Variants in MBD5 observed in about 807,000 individuals in gnomAD.
The protein encoded by MBD5 is methyl-CpG binding domain protein 5.
MBD5 carries 13 observed loss-of-function variants against 117.3 expected under a neutral mutation model. The observed-to-expected ratio is 0.11, with a 90% CI of 0.07 to 0.18. The LOEUF is 0.18. MBD5 is among the 10% of genes least tolerant of loss of function. The pLI, the probability that MBD5 is intolerant of heterozygous loss-of-function variation, is 1.00. For missense variants in MBD5, 1,879 were observed against 2,093.8 expected (o/e 0.90, Z 2.00); for synonymous variants, 727 against 766.4 (o/e 0.95, Z 0.85).
At chr2:148,162,323 C>T (rs558094778) in intron 1 of MBD5, among the ~76,000 whole-genome samples, 2 of 152,182 alleles carry the variant, frequency 1.3e-5, no homozygotes, top group Non-Finnish European at 2.9e-5. Context: ...GAGACCCTCC[C>T]AAATAACTTA....
intron 4 of MBD5, among the ~76,000 whole-genome samples, chr2:148,450,343 C>T (rs1219390840): frequency 6.6e-6 from 1 of 152,132 alleles, no homozygotes; most frequent in Non-Finnish European, 1.5e-5. Flanking sequence ...TATGTAGCCT[C>T]TAAATACTAT....
chr2:148,050,135 AAGT>A (rs1694653958), intron 1 of MBD5, among the ~76,000 whole-genome samples: 1 of 152,138 alleles, frequency 6.6e-6, no homozygotes, highest in African/African-American at 2.4e-5. Flanking sequence ...CTGTTTTTCA[AAGT>A]AGCTGCACCA....
chr2:148,458,635 C>T lies in MBD5; in HGVS notation c.-124C>T, dbSNP rs1706958624. 16 of 785,024 alleles carry T rather than the reference C, an allele frequency of 2.0e-5. 1 individual carries two copies. Among genetic ancestry groups the T allele is most frequent in the South Asian group, 2.0e-4 (14 of 69,118 alleles). 48.6% of individuals were successfully genotyped at this position (785,024 alleles called of 1,614,324 possible). ...CAAACTGAGCTGAAGCTTCCCAATG[C>T]GTTTTGTACAGTCTGGGAAAAACTG... is the stretch of plus-strand genomic sequence containing the variant. On this transcript the variant is annotated 5_prime_UTR_variant, in exon 5 of 14. Coordinates refer to ENST00000642680, the MANE Select transcript of MBD5 (RefSeq NM_001378120.1).
intron 3 of MBD5, among the ~76,000 whole-genome samples, chr2:148,237,221 T>C (rs1700109548): frequency 6.6e-6 from 1 of 152,252 alleles, no homozygotes; most frequent in South Asian, 2.1e-4. Context: ...TTCACCATAG[T>C]AGCACTTTTA....
intron 2 of MBD5, among the ~76,000 whole-genome samples, chr2:148,183,324 G>T (rs893063650): frequency 1.3e-5 from 2 of 151,946 alleles, no homozygotes; most frequent in African/African-American, 4.8e-5. Context: ...GAAGAAAAAT[G>T]AAGGGTATTT....
At chr2:148,264,353 A>C (rs959140982) in intron 3 of MBD5, 1 of 152,548 alleles carries the variant, frequency 6.6e-6, no homozygotes, top group East Asian at 1.9e-4. Context: ...AATAATTTAC[A>C]GATGAAGAAA....
chr2:148,369,574 G>A (rs994688535), intron 4 of MBD5, among the ~76,000 whole-genome samples: 6 of 152,052 alleles, frequency 3.9e-5, no homozygotes, highest in African/African-American at 1.4e-4. Flanking sequence ...TGAGGAATCT[G>A]GATAAAGAGT....
In MBD5 at chr2:148,203,242, T is replaced by C. The variant is rs1244127992; in HGVS notation, c.-831+24449T>C. On this transcript the variant is annotated intron_variant, in intron 2 of 13. Coordinates refer to ENST00000642680, the MANE Select transcript of MBD5 (RefSeq NM_001378120.1). The stretch of plus-strand genomic sequence containing the variant: ...AGGAAACCTGGGAACTAATATTTGG[T>C]ACATGCAACAAAGAAGATGCTGATT... Among the ~76,000 whole-genome samples the C allele has an allele frequency of 2.0e-5, 3 of 152,304 alleles. No homozygotes were observed. In the East Asian group the frequency reaches 5.8e-4, roughly 29 times the overall value.
At chr2:148,188,228 T>A (rs1180324359) in intron 2 of MBD5, among the ~76,000 whole-genome samples, 7 of 152,208 alleles carry the variant, frequency 4.6e-5, no homozygotes, top group Non-Finnish European at 8.8e-5. Context: ...CCCAGACATT[T>A]CAGATATTGT....
intron 1 of MBD5, among the ~76,000 whole-genome samples, chr2:148,115,754 TTGTGTC>T (rs1321121898): frequency 1.3e-5 from 2 of 152,218 alleles, no homozygotes; most frequent in African/African-American, 4.8e-5. Flanking sequence ...TTTTTTGCCT[TTGTGTC>T]ATGTTAACAA....
Position 148,331,934 on chromosome 2 carries a change from A to T in MBD5, c.-679-10280A>T, listed in dbSNP as rs149855451. On this transcript the variant is annotated intron_variant, in intron 3 of 13. Coordinates refer to ENST00000642680, the MANE Select transcript of MBD5 (RefSeq NM_001378120.1). The stretch of plus-strand genomic sequence containing the variant: ...CAAAAAACACTTGCATTTTATAATT[A>T]TCAAACAATGAGTTTATGTAACAGA... Among the ~76,000 whole-genome samples, 21 of 152,318 alleles carry T rather than the reference A, an allele frequency of 1.4e-4. No homozygotes were observed. In the East Asian group the frequency reaches 4.0e-3, roughly 29 times the overall value.
At chr2:148,310,294 A>G (rs1006088254) in intron 3 of MBD5, among the ~76,000 whole-genome samples, 1 of 152,016 alleles carries the variant, frequency 6.6e-6, no homozygotes, top group Non-Finnish European at 1.5e-5. Flanking sequence ...TTGGTTGGTA[A>G]GCTATTAATT....
chr2:148,187,971 G>A (rs2105889105), intron 2 of MBD5, among the ~76,000 whole-genome samples: 1 of 152,320 alleles, frequency 6.6e-6, no homozygotes, highest in Non-Finnish European at 1.5e-5. Context: ...TATCACATAT[G>A]TAGAAGTAAA....
chr2:148,159,826 T>C (rs1697963722), intron 1 of MBD5, among the ~76,000 whole-genome samples: 1 of 152,136 alleles, frequency 6.6e-6, no homozygotes, highest in African/African-American at 2.4e-5. Flanking sequence ...ATCTCTGTTT[T>C]CATAAAAGAA....
At chr2:148,335,374 C>T (rs528069069) in intron 3 of MBD5, among the ~76,000 whole-genome samples, 9 of 152,226 alleles carry the variant, frequency 5.9e-5, no homozygotes, top group Admixed American at 5.9e-4. Context: ...GAGCAAGACC[C>T]TGTCTCAGAA....
intron 1 of MBD5, among the ~76,000 whole-genome samples, chr2:148,152,323 G>C (rs1189599143): frequency 2.0e-5 from 3 of 152,118 alleles, no homozygotes; most frequent in African/African-American, 7.2e-5. Context: ...TATAATCTCT[G>C]TTCTTTTACA....
intron 3 of MBD5, among the ~76,000 whole-genome samples, chr2:148,276,625 CTA>C (rs1187077849): frequency 6.6e-6 from 1 of 152,052 alleles, no homozygotes; most frequent in African/African-American, 2.4e-5. Flanking sequence ...TTAATATAGT[CTA>C]TGTTTAAATT....
intron 1 of MBD5, among the ~76,000 whole-genome samples, chr2:148,082,062 TC>T (rs1695660920): frequency 6.6e-6 from 1 of 152,214 alleles, no homozygotes; most frequent in African/African-American, 2.4e-5. Context: ...GTTGCTGTTT[TC>T]TTCCATACTT....
At chr2:148,442,324 G>A (rs189596236) in intron 4 of MBD5, among the ~76,000 whole-genome samples, 1 of 151,396 alleles carries the variant, frequency 6.6e-6, no homozygotes, top group East Asian at 1.9e-4. Context: ...TGCAAGGCCT[G>A]TACTTTGTGC....
Sources: gnomAD v4.1 joint callset for allele counts (sites outside exome capture counted in the v4.1 genomes callset) on GRCh38, gnomAD v4.1.1 for gene constraint, MANE v1.5 for transcripts, NCBI Gene and HGNC (gene_info 2026-07-23, HGNC 2026-07-21) for gene names.